Variants in EXO5 observed in about 807,000 individuals in gnomAD.
The protein encoded by EXO5 is exonuclease 5, also known as exonuclease V.
A neutral mutation model predicts 17.8 loss-of-function variants in EXO5; 11 were observed. The ratio of observed to expected loss-of-function variants is 0.62; its 90% CI spans 0.39 to 1.02. EXO5 has a LOEUF of 1.02. Ranked by LOEUF, EXO5 falls within the 50% of genes least tolerant of loss-of-function variation. The probability of loss-of-function intolerance (pLI) is 0.00; values close to 1 mark genes in which losing one functional copy is unlikely to be tolerated. For missense variants in EXO5, 364 were observed against 434.8 expected, an observed-to-expected ratio of 0.84 and a Z score of 1.45; for synonymous variants, 147 against 166.5, an observed-to-expected ratio of 0.88 and a Z score of 0.90.
rs1044584605 is a variant in EXO5, at chr1:40,515,763, T to G, written c.*97T>G. ...CTGAGCTTGGCTTTTATGGAGAGTG[T>G]TCTTATTTTGGTTCTTTTTTTTATT... is the stretch of plus-strand genomic sequence containing the variant. On this transcript the variant is annotated 3_prime_UTR_variant, in exon 4 of 4. Transcript: ENST00000415550. 6.6e-6 allele frequency: 9 copies of G among 1,370,070 alleles called. No individual in the cohort carries two copies. The highest frequency in any genetic ancestry group is 8.9e-6 in the Non-Finnish European group (9 of 1,008,550). 84.9% of individuals were successfully genotyped at this position (1,370,070 alleles called of 1,614,324 possible).
At position 40,515,418 on chromosome 1, in the gene EXO5, A is replaced by G. The variant is rs1645869800; in HGVS notation, c.874A>G (p.Ile292Val). ...CCTCCCAGTTATTGATATCTTGAAGATTGAGTATATCCACCAAGAGACTGC... is the reference window on the plus strand; with the variant it reads ...CCTCCCAGTTATTGATATCTTGAAGGTTGAGTATATCCACCAAGAGACTGC... ...SDLPVIDILKIEYIHQETATV... is the reference protein window; with the variant it reads ...SDLPVIDILKVEYIHQETATV... The change falls in exon 4 of 4, where the codon ATT (isoleucine) becomes GTT (valine). Residue 292 changes from isoleucine (I) to valine (V), a missense_variant. Physicochemically the swap from Ile to Val is conservative, Grantham distance 29 (BLOSUM62 3). Transcript: ENST00000415550. The G allele has an allele frequency of 1.2e-6, 2 of 1,613,628 alleles. No individual in the cohort carries two copies. The highest frequency in any genetic ancestry group is 1.1e-5 in the South Asian group (1 of 91,054).
intron 3 of EXO5, among the ~76,000 whole-genome samples, chr1:40,510,059 G>A (rs377408313): frequency 6.6e-6 from 1 of 152,150 alleles, no homozygotes; most frequent in African/African-American, 2.4e-5. Flanking sequence ...AACTACTCAG[G>A]ATTAGGTTTA....
intron 3 of EXO5, among the ~76,000 whole-genome samples, chr1:40,514,089 G>A (rs952866922): frequency 1.3e-5 from 2 of 151,802 alleles, no homozygotes; most frequent in Admixed American, 6.6e-5. Context: ...GACCATCCTG[G>A]CTAACACAGT....
At chr1:40,512,191 G>C (rs531886184) in intron 3 of EXO5, among the ~76,000 whole-genome samples, 3 of 152,230 alleles carry the variant, frequency 2.0e-5, no homozygotes, top group Non-Finnish European at 4.4e-5. Context: ...AGTTTCTTAA[G>C]ATTAAAAAAT....
intron 3 of EXO5, among the ~76,000 whole-genome samples, chr1:40,511,249 AAG>A (rs1476379111): frequency 2.6e-5 from 4 of 152,136 alleles, no homozygotes; most frequent in African/African-American, 9.7e-5. Flanking sequence ...AATAAAATAA[AAG>A]AAAAGAAAAA....
rs544600879 is a variant in EXO5 at position 40,509,586 on chromosome 1, A to G, written c.-128A>G. The G allele has an allele frequency of 3.3e-5, 5 of 152,386 alleles. No homozygotes were observed. The highest frequency in any genetic ancestry group is 1.3e-4 in the Admixed American group (2 of 15,300). The allele number at this position is 152,386 out of a possible 1,614,324, so 9.4% of individuals were successfully genotyped here. On this transcript the variant is annotated 5_prime_UTR_variant, in exon 2 of 4. It removes an upstream start codon present in the reference 5' UTR. Transcript: ENST00000415550. ...GTGGGTAACAGTCTGTGCAGTGTCA[A>G]TGTGAGAGGAGAAAACACCCAACGT...
At chr1:40,513,394 G>GAA (rs1179130508) in intron 3 of EXO5, among the ~76,000 whole-genome samples, 1 of 152,062 alleles carries the variant, frequency 6.6e-6, no homozygotes, top group Non-Finnish European at 1.5e-5. Context: ...TTTTCTCAAG[G>GAA]AACAGTTTGT....
At chr1:40,511,865 A>G (rs1470049372) in intron 3 of EXO5, among the ~76,000 whole-genome samples, 1 of 149,850 alleles carries the variant, frequency 6.7e-6, no homozygotes, top group African/African-American at 2.5e-5. Flanking sequence ...TAATTTGCCT[A>G]GTTTCTTTTT....
intron 3 of EXO5, among the ~76,000 whole-genome samples, chr1:40,513,699 C>T (rs1394120218): frequency 6.6e-6 from 1 of 151,528 alleles, no homozygotes; most frequent in Non-Finnish European, 1.5e-5. Flanking sequence ...AGCAATTCTG[C>T]TGCCTCAGCC....
At chr1:40,514,141 G>A (rs72935417) in intron 3 of EXO5, among the ~76,000 whole-genome samples, 31,201 of 151,582 alleles carry the variant, frequency 0.21, 3,348 homozygotes, top group Middle Eastern at 0.34. Flanking sequence ...TTAGCCAGGC[G>A]TGGTGGCGGG....
Position 40,515,351 on chromosome 1 carries a change from T to G in EXO5, c.807T>G (p.Gly269=), listed in dbSNP as rs1429561484. 6.2e-7 allele frequency: 1 copy of G among 1,614,026 alleles called. No homozygotes were observed. Among genetic ancestry groups the G allele is most frequent in the South Asian group, 1.1e-5 (1 of 91,070 alleles). The change falls in exon 4 of 4, where the codon GGT becomes GGG. Residue 269 remains glycine (G), a synonymous_variant. Transcript: ENST00000415550. ...QQGGFSVKSL[G]DLMELVFLSL... ...GAGGCTTCTCTGTGAAGTCTTTGGG[T>G]GACCTCATGGAACTTGTCTTCTTGT... is the stretch of plus-strand genomic sequence containing the variant.
chr1:40,509,110 G>A (rs1405440468), intron 1 of EXO5: 1 of 152,308 alleles, frequency 6.6e-6, no homozygotes, highest in African/African-American at 2.4e-5. Context: ...TTCCCGAGGT[G>A]GACGGCTCCC....
Position 40,515,011 on chromosome 1 carries a change from C to G in EXO5, c.467C>G (p.Thr156Ser), listed in dbSNP as rs761120409. 6 of 1,613,996 alleles carry G rather than the reference C, an allele frequency of 3.7e-6. No individual in the cohort carries two copies. The Admixed American group carries it at 6.7e-5, about 18-fold the overall frequency. Residue 156 changes from threonine to serine, a missense_variant, in exon 4 of 4, where the codon ACC (threonine) becomes AGC (serine). Transcript: ENST00000415550. The part of the protein sequence containing the change: ...KFLNILLLIP[T>S]LQSEGHIREF... Reference sequence around the variant, plus strand: ...CTGAACATACTTTTGCTGATTCCTACCCTGCAGTCAGAAGGGCACATCAGA... The same window carrying G: ...CTGAACATACTTTTGCTGATTCCTAGCCTGCAGTCAGAAGGGCACATCAGA...
chr1:40,515,494 C>T lies in EXO5; in HGVS notation c.950C>T (p.Ala317Val), dbSNP rs1255458215. ...GCCTTCAAAGAGAAGGAGGTGAGAG[C>T]CAAGGTGCAGCATTATATGGCCTAC... ...IVAFKEKEVR[A>V]KVQHYMAYWM... Residue 317 changes from alanine (A) to valine (V), a missense_variant, in exon 4 of 4, where the codon GCC becomes GTC. Physicochemically the swap from Ala to Val is moderately conservative, Grantham distance 64. Coordinates refer to ENST00000415550, the MANE Select transcript of EXO5 (RefSeq NM_001346953.2). 1 of 1,613,568 alleles carries T rather than the reference C, an allele frequency of 6.2e-7. No homozygotes were observed. Among genetic ancestry groups the T allele is most frequent in the East Asian group, 2.2e-5 (1 of 44,858 alleles).
In EXO5 at chr1:40,515,426, T is replaced by G; in HGVS notation, c.882T>G (p.Tyr294Ter). The G allele has an allele frequency of 6.2e-7, 1 of 1,613,906 alleles. No individual in the cohort carries two copies. Among genetic ancestry groups the G allele is most frequent in the African/African-American group, 1.3e-5 (1 of 74,962 alleles). Residue 294 changes from tyrosine to a stop codon, truncating the protein, a stop_gained, in exon 4 of 4, where the codon TAT becomes TAG. Transcript: ENST00000415550. LOFTEE classifies it high-confidence loss of function. ...LPVIDILKIE[Y>*]IHQETATVLG... ...TTATTGATATCTTGAAGATTGAGTA[T>G]ATCCACCAAGAGACTGCCACTGTGC...
In EXO5 at chr1:40,515,159, C is replaced by A. The variant is rs267598595; in HGVS notation, c.615C>A (p.Leu205=). The change falls in exon 4 of 4, where the codon CTC becomes CTA. Residue 205 remains leucine (L), a synonymous_variant. Coordinates refer to ENST00000415550, the MANE Select transcript of EXO5 (RefSeq NM_001346953.2). ...TCAAGACACGCAGGCGCCCTATGCT[C>A]CCTCTGGAAGCTCAGAAGAAGAAAG... ...AELKTRRRPM[L]PLEAQKKKDC... 1 of 1,614,086 alleles carries A rather than the reference C, an allele frequency of 6.2e-7. No homozygotes were observed. The highest frequency in any genetic ancestry group is 8.5e-7 in the Non-Finnish European group (1 of 1,180,008).
chr1:40,514,415 AAAT>A (rs1011746404), intron 3 of EXO5, 97 bp from the exon 4 acceptor site: 1 of 954,980 alleles, frequency 1.0e-6, no homozygotes, highest in African/African-American at 1.7e-5. Context: ...GAATGTAAAT[AAAT>A]AATTTGTCAT....
intron 1 of EXO5, chr1:40,509,231 T>C (rs769160578): frequency 3.3e-5 from 5 of 152,408 alleles, no homozygotes; most frequent in Non-Finnish European, 7.3e-5. Context: ...AGATCTTCCC[T>C]GAAGGCAAAC....
intron 3 of EXO5, among the ~76,000 whole-genome samples, chr1:40,513,745 T>C (rs913306922): frequency 6.6e-6 from 1 of 151,782 alleles, no homozygotes; most frequent in Non-Finnish European, 1.5e-5. Flanking sequence ...TGTGCCACCA[T>C]ACCTGGCTAA....
Sources: allele counts gnomAD v4.1 joint callset (sites outside exome capture counted in the v4.1 genomes callset), GRCh38; gene constraint gnomAD v4.1.1; transcripts MANE v1.5; gene names NCBI Gene and HGNC (gene_info 2026-07-23, HGNC 2026-07-21).